MYLK: variants seen among roughly 807,000 people sequenced by gnomAD.
The protein encoded by MYLK is myosin light chain kinase.
A neutral mutation model predicts 203.4 loss-of-function variants in MYLK; 106 were observed. That is an observed-to-expected ratio of 0.52 (90% CI 0.45 to 0.61). The LOEUF (loss-of-function observed/expected upper bound fraction) is 0.61, where lower values mean the gene tolerates loss of function less well. Among genes scored for constraint, MYLK ranks in the 20% least tolerant of loss-of-function variants. The probability of loss-of-function intolerance (pLI) is 0.00; values close to 1 mark genes in which losing one functional copy is unlikely to be tolerated. For missense variants in MYLK, 2,072 were observed against 2,442.3 expected (o/e 0.85, Z 3.20); for synonymous variants, 867 against 959.5 (o/e 0.90, Z 1.78).
At chr3:123,869,914 C>T (rs909500263) in intron 2 of MYLK, among the ~76,000 whole-genome samples, 2 of 142,796 alleles carry the variant, frequency 1.4e-5, no homozygotes, top group African/African-American at 2.5e-5. Flanking sequence ...CTAAGATGGA[C>T]GATGAAATCT....
At chr3:123,806,043 A>G (rs938424095) in intron 3 of MYLK, among the ~76,000 whole-genome samples, 28 of 152,062 alleles carry the variant, frequency 1.8e-4, no homozygotes, top group African/African-American at 6.0e-4. Flanking sequence ...ACATTGCCCT[A>G]TATATCACAA....
At chr3:123,818,144 G>A (rs147126681) in intron 3 of MYLK, among the ~76,000 whole-genome samples, 1 of 152,264 alleles carries the variant, frequency 6.6e-6, no homozygotes, top group Non-Finnish European at 1.5e-5. Flanking sequence ...TTCAAGAAAT[G>A]ATTTTTGCTG....
At chr3:123,692,144 C>G (rs761566327) in intron 19 of MYLK, 20 of 230,184 alleles carry the variant, frequency 8.7e-5, no homozygotes, top group Non-Finnish European at 1.3e-4. Context: ...AACACAGAAA[C>G]TCCGCTAAGA....
chr3:123,742,481 C>A (rs919128998), intron 5 of MYLK, among the ~76,000 whole-genome samples: 1 of 151,220 alleles, frequency 6.6e-6, no homozygotes, highest in Non-Finnish European at 1.5e-5. Context: ...CCTATAAATA[C>A]AATGGTAAAG....
intron 2 of MYLK, among the ~76,000 whole-genome samples, chr3:123,862,866 G>T (rs1056181023): frequency 6.6e-6 from 1 of 151,980 alleles, no homozygotes; most frequent in African/African-American, 2.4e-5. Context: ...GCCCACTCAG[G>T]TATCCCATGG....
chr3:123,747,937 C>T (rs564170676), intron 5 of MYLK, among the ~76,000 whole-genome samples: 101 of 152,298 alleles, frequency 6.6e-4, no homozygotes, highest in African/African-American at 2.3e-3. Context: ...ACCTCATGTC[C>T]GATGCTCACT....
chr3:123,644,044 C>T (rs558191850), intron 27 of MYLK, among the ~76,000 whole-genome samples: 2 of 152,240 alleles, frequency 1.3e-5, no homozygotes, highest in Non-Finnish European at 2.9e-5. Context: ...GGTGGGGGCT[C>T]ATCCAGTAAT....
At chr3:123,767,081 A>G (rs1319951401) in intron 4 of MYLK, among the ~76,000 whole-genome samples, 1 of 152,238 alleles carries the variant, frequency 6.6e-6, no homozygotes, top group Non-Finnish European at 1.5e-5. Flanking sequence ...GTTACGTAGT[A>G]AAAAACAAAA....
rs770046026 is a variant in MYLK at position 123,692,722 on chromosome 3, G to A, written c.3565+13C>T. ...CTGTGTATGGGTGGCGGCGATGGGTGGGCACGACCTACCATCCACGGTGAC... is the reference window on the plus strand; with the variant it reads ...CTGTGTATGGGTGGCGGCGATGGGTAGGCACGACCTACCATCCACGGTGAC... On this transcript the variant is annotated intron_variant, in intron 19 of 33. Coordinates refer to ENST00000360304, the MANE Select transcript of MYLK (RefSeq NM_053025.4). 6.3e-7 allele frequency: 1 copy of A among 1,594,226 alleles called. No homozygotes were observed. Among genetic ancestry groups the A allele is most frequent in the South Asian group, 1.1e-5 (1 of 90,802 alleles).
intron 16 of MYLK, among the ~76,000 whole-genome samples, chr3:123,706,101 C>G (rs1227824744): frequency 6.6e-6 from 1 of 152,094 alleles, no homozygotes; most frequent in African/African-American, 2.4e-5. Context: ...CACAAGCATC[C>G]CATCACTTGA....
chr3:123,863,201 T>C (rs1359189509), intron 2 of MYLK, among the ~76,000 whole-genome samples: 1 of 152,042 alleles, frequency 6.6e-6, no homozygotes, highest in African/African-American at 2.4e-5. Context: ...AAAAAAGAAA[T>C]CTTGATCCCT....
At chr3:123,846,271 T>C (rs2029974534) in intron 2 of MYLK, among the ~76,000 whole-genome samples, 1 of 152,230 alleles carries the variant, frequency 6.6e-6, no homozygotes, top group African/African-American at 2.4e-5. Flanking sequence ...TTTGTGTGAA[T>C]GCACAGAAAG....
chr3:123,827,794 A>T (rs1257020978), intron 3 of MYLK, among the ~76,000 whole-genome samples: 1 of 141,238 alleles, frequency 7.1e-6, no homozygotes, highest in Non-Finnish European at 1.5e-5. Flanking sequence ...AATTTAGTAA[A>T]GTTACAGGAT....
chr3:123,657,180 T>C lies in MYLK; in HGVS notation c.4234A>G (p.Thr1412Ala), dbSNP rs1386690780. The C allele has an allele frequency of 6.2e-7, 1 of 1,614,136 alleles. No homozygotes were observed. Among genetic ancestry groups the C allele is most frequent in the Non-Finnish European group, 8.5e-7 (1 of 1,180,042 alleles). Residue 1412 changes from threonine (T) to alanine (A), a missense_variant, in exon 24 of 34, where the codon ACC becomes GCC. Thr to Ala is a moderately conservative substitution (Grantham distance 58). Transcript: ENST00000360304. ...FRVRAINVYG[T>A]SEPSQESELT... is the part of the protein sequence containing the mutation. ...TCAGACTCCTGGCTTGGCTCACTGG[T>C]TCCATACACGTTGATTGCACGTACA...
At position 123,629,502 on chromosome 3, in the gene MYLK, T is replaced by C; in HGVS notation, c.5086A>G (p.Ile1696Val). The change falls in exon 30 of 34, where the codon ATC becomes GTC. Residue 1696 changes from isoleucine to valine, a missense_variant. Ile to Val is a conservative substitution (Grantham distance 29, BLOSUM62 3). Transcript: ENST00000360304. This position sits in a 1 kb window ranked among gnomAD's most constrained non-coding sequence, Gnocchi z 4.4. ...DEISDDAKDF[I>V]SNLLKKDMKN... ...ATATCTTTCTTCAGCAGATTGCTGA[T>C]GAAATCCTTGGCATCGTCGGAGATC... The C allele has an allele frequency of 6.2e-7, 1 of 1,614,230 alleles. No homozygotes were observed. Among genetic ancestry groups the C allele is most frequent in the Non-Finnish European group, 8.5e-7 (1 of 1,180,042 alleles).
At chr3:123,774,595 C>T (rs534460777) in intron 4 of MYLK, among the ~76,000 whole-genome samples, 35 of 152,278 alleles carry the variant, frequency 2.3e-4, no homozygotes, top group South Asian at 6.2e-4. Context: ...AACAGAATCA[C>T]GGGCAAGAAA....
intron 20 of MYLK, among the ~76,000 whole-genome samples, chr3:123,673,116 T>C (rs1255462975): frequency 6.6e-6 from 1 of 151,986 alleles, no homozygotes; most frequent in Non-Finnish European, 1.5e-5. Context: ...AGCTACATTG[T>C]AAGGGAAGTA....
At chr3:123,678,139 G>A (rs1368731146) in intron 20 of MYLK, among the ~76,000 whole-genome samples, 1 of 151,632 alleles carries the variant, frequency 6.6e-6, no homozygotes, top group African/African-American at 2.4e-5. Flanking sequence ...GACATAGATC[G>A]AGCTCCTAAG....
intron 13 of MYLK, among the ~76,000 whole-genome samples, chr3:123,720,120 G>A (rs566874313): frequency 6.6e-6 from 1 of 152,328 alleles, no homozygotes; most frequent in South Asian, 2.1e-4. Context: ...CACTGGGAGG[G>A]GGTTCTGTCA....
Sources: gnomAD v4.1 joint callset for allele counts (sites outside exome capture counted in the v4.1 genomes callset) on GRCh38, gnomAD v4.1.1 for gene constraint, Gnocchi (gnomAD v3.1) non-coding constraint, MANE v1.5 for transcripts, NCBI Gene and HGNC (gene_info 2026-07-23, HGNC 2026-07-21) for gene names.